ZNF396: variants seen among roughly 807,000 people sequenced by gnomAD.
ZNF396 encodes zinc finger and SCAN domain-containing protein 14.
A neutral mutation model predicts 20.5 loss-of-function variants in ZNF396; 14 were observed. That is an observed-to-expected ratio of 0.68 (90% confidence interval 0.45 to 1.07). ZNF396 has a LOEUF of 1.07. Ranked by LOEUF, ZNF396 falls within the 50% of genes least tolerant of loss-of-function variation. The pLI, the probability that ZNF396 is intolerant of heterozygous loss-of-function variation, is 0.00. For synonymous variants in ZNF396, 119 were observed against 140.6 expected (o/e 0.85, Z 1.08); for missense variants, 347 against 390.1 (o/e 0.89, Z 0.93).
chr18:35,370,917 G>A (rs985995853), intron 3 of ZNF396, among the ~76,000 whole-genome samples: 5 of 152,140 alleles, frequency 3.3e-5, no homozygotes, highest in African/African-American at 9.7e-5. Context: ...TGACTTGGCT[G>A]GGGCTGACTG....
chr18:35,369,114 G>A lies in ZNF396; in HGVS notation c.*101C>T. 1 of 1,443,408 alleles carries A rather than the reference G, an allele frequency of 6.9e-7. No homozygotes were observed. Among genetic ancestry groups the A allele is most frequent in the Non-Finnish European group, 9.1e-7 (1 of 1,100,358 alleles). 89.4% of individuals were successfully genotyped at this position (1,443,408 alleles called of 1,614,324 possible). On this transcript the variant is annotated 3_prime_UTR_variant, in exon 4 of 4. Coordinates refer to ENST00000589332, the MANE Select transcript of ZNF396 (RefSeq NM_001322286.2). The stretch of plus-strand genomic sequence containing the variant: ...TCATGAGTCTTGAAAGGAGACTGGT[G>A]CTTACTAAGACCACTGATTTGTACT...
chr18:35,372,145 A>G (rs1198715170), intron 3 of ZNF396: 1 of 150,706 alleles, frequency 6.6e-6, no homozygotes, highest in Non-Finnish European at 1.5e-5. Flanking sequence ...TACGAATCTT[A>G]AAAAAAAATG....
At chr18:35,372,670 C>G (rs2143904382) in intron 3 of ZNF396, 1 of 152,250 alleles carries the variant, frequency 6.6e-6, no homozygotes, top group East Asian at 1.9e-4. Flanking sequence ...CTTTCTACCA[C>G]TCTATATAAT....
chr18:35,374,354 G>C lies in ZNF396; in HGVS notation c.-62C>G. The C allele has an allele frequency of 1.4e-6, 2 of 1,470,266 alleles. No homozygotes were observed. The highest frequency in any genetic ancestry group is 1.9e-6 in the Non-Finnish European group (2 of 1,078,992). 91.1% of individuals were successfully genotyped at this position (1,470,266 alleles called of 1,614,324 possible). A position where few individuals can be genotyped will look rare whatever the true frequency, so the allele number is the denominator to read the frequency against. On this transcript the variant is annotated 5_prime_UTR_variant, in exon 2 of 4. In the 5' UTR this introduces an upstream ATG that the reference lacks. Transcript: ENST00000589332. The surrounding 1 kb of genome is among the most constrained non-coding windows in gnomAD (Gnocchi z 4.3). ...ATCCTCAAGGAGGTGAAGCTGTCCT[G>C]ATGGACACTCCTTAAATATGATTAA...
At chr18:35,372,115 T>C (rs1358440219) in intron 3 of ZNF396, 1 of 152,136 alleles carries the variant, frequency 6.6e-6, no homozygotes, top group Non-Finnish European at 1.5e-5. Flanking sequence ...CTGGACCTGT[T>C]GCATTCTGTT....
chr18:35,367,074 T>G lies in ZNF396; in HGVS notation c.*2141A>C, dbSNP rs2143882678. 6.6e-6 allele frequency: 1 copy of G among 152,322 alleles called. No individual in the cohort carries two copies. The highest frequency in any genetic ancestry group is 1.5e-5 in the Non-Finnish European group (1 of 68,012). 9.4% of individuals were successfully genotyped at this position (152,322 alleles called of 1,614,324 possible). A position where few individuals can be genotyped will look rare whatever the true frequency, so the allele number is the denominator to read the frequency against. ...ACTCTTTCCGTAATTAAGCAGTAAT[T>G]CACAATATATACATCTCTGAGGCAC... On this transcript the variant is annotated 3_prime_UTR_variant, in exon 4 of 4. Coordinates refer to ENST00000589332, the MANE Select transcript of ZNF396 (RefSeq NM_001322286.2).
chr18:35,373,839 C>T (rs1395448842), intron 2 of ZNF396, 37 bp downstream of exon 2: 6 of 1,578,518 alleles, frequency 3.8e-6, no homozygotes, highest in Non-Finnish European at 4.3e-6. Flanking sequence ...GCTCTTGACT[C>T]AGCCTGGGGG....
In ZNF396 at chr18:35,367,577, CAAG is replaced by C. The variant is rs965070912; in HGVS notation, c.*1635_*1637del. 15 of 152,140 alleles carry C rather than the reference CAAG, an allele frequency of 9.9e-5. No individual in the cohort carries two copies. The highest frequency in any genetic ancestry group is 3.6e-4 in the African/African-American group (15 of 41,430). 9.4% of individuals were successfully genotyped at this position (152,140 alleles called of 1,614,324 possible). Reference sequence around the variant, plus strand: ...TTGTAGTAACATTACAGAGTTTTATCAAGAATCTCTGGAAAATAGATAATTTTG... The same window carrying C: ...TTGTAGTAACATTACAGAGTTTTATCAATCTCTGGAAAATAGATAATTTTG... On this transcript the variant is annotated 3_prime_UTR_variant, in exon 4 of 4. Transcript: ENST00000589332.
chr18:35,369,134 T>C lies in ZNF396; in HGVS notation c.*81A>G, dbSNP rs2045135716. ...CTGGTGCTTACTAAGACCACTGATTTGTACTAAGGAGCGTTTGCATCTGGT... is the reference window on the plus strand; with the variant it reads ...CTGGTGCTTACTAAGACCACTGATTCGTACTAAGGAGCGTTTGCATCTGGT... On this transcript the variant is annotated 3_prime_UTR_variant, in exon 4 of 4. Coordinates refer to ENST00000589332, the MANE Select transcript of ZNF396 (RefSeq NM_001322286.2). 29 of 1,455,772 alleles carry C rather than the reference T, an allele frequency of 2.0e-5. No homozygotes were observed. Among genetic ancestry groups the C allele is most frequent in the Non-Finnish European group, 2.6e-5 (29 of 1,105,938 alleles). 90.2% of individuals were successfully genotyped at this position (1,455,772 alleles called of 1,614,324 possible).
chr18:35,372,239 A>T (rs1490186200), intron 3 of ZNF396: 1 of 152,192 alleles, frequency 6.6e-6, no homozygotes, highest in African/African-American at 2.4e-5. Flanking sequence ...TTCTGTAGTC[A>T]CCACCACACC....
At position 35,374,493 on chromosome 18, in the gene ZNF396, T is replaced by TTCTA; in HGVS notation, c.-72-130_-72-129insTAGA. ...ACCTTAGTCTTAACAGAAACCATGCTTTTATTTATTTATTTATTTTTGAGA... is the reference window on the plus strand; with the variant it reads ...ACCTTAGTCTTAACAGAAACCATGCTTCTATTTATTTATTTATTTATTTTTGAGA... On this transcript the variant is annotated intron_variant, in intron 1 of 3. Coordinates refer to ENST00000589332, the MANE Select transcript of ZNF396 (RefSeq NM_001322286.2). The surrounding 1 kb of genome is among the most constrained non-coding windows in gnomAD (Gnocchi z 4.3). 1 of 470,708 alleles carries TTCTA rather than the reference T, an allele frequency of 2.1e-6. No homozygotes were observed. The allele number at this position is 470,708 out of a possible 1,614,324, so 29.2% of individuals were successfully genotyped here.
Position 35,367,143 on chromosome 18 carries a change from G to C in ZNF396, c.*2072C>G, listed in dbSNP as rs530864557. On this transcript the variant is annotated 3_prime_UTR_variant, in exon 4 of 4. Transcript: ENST00000589332. ...GTTTGTTCCTCTCCGTAATTACAAA[G>C]ACAATGAGCCCCAAATAAAAAGTAT... The C allele has an allele frequency of 6.6e-6, 1 of 152,130 alleles. No homozygotes were observed. The highest frequency in any genetic ancestry group is 1.9e-4 in the East Asian group (1 of 5,198). 9.4% of individuals were successfully genotyped at this position (152,130 alleles called of 1,614,324 possible). A position where few individuals can be genotyped will look rare whatever the true frequency, so the allele number is the denominator to read the frequency against.
chr18:35,369,732 A>G (rs1433581778), intron 3 of ZNF396, 72 bp from the exon 4 acceptor site: 8 of 1,424,910 alleles, frequency 5.6e-6, no homozygotes, highest in Non-Finnish European at 6.6e-6. Context: ...GATTATTGCT[A>G]GCATGTTTAT....
At chr18:35,373,390 T>G in intron 3 of ZNF396, 66 bp downstream of exon 3, 16 of 1,546,870 alleles carry the variant, frequency 1.0e-5, no homozygotes, top group African/African-American at 1.4e-5. Context: ...ATAAATCAGC[T>G]GAGATGTGTG....
chr18:35,373,966 C>G lies in ZNF396; in HGVS notation c.327G>C (p.Gln109His), dbSNP rs779527153. ...CTGGATGATGCTTCTGCACCCAGGC[C>G]TGAAGCTCTTTTGGGAGGATGGCCA... ...QFLAILPKEL[Q>H]AWVQKHHPEN... The change falls in exon 2 of 4, where the codon CAG becomes CAC. Residue 109 changes from glutamine to histidine, a missense_variant. Transcript: ENST00000589332. 3 of 1,614,240 alleles carry G rather than the reference C, an allele frequency of 1.9e-6. No individual in the cohort carries two copies. In the Admixed American group the frequency reaches 5.0e-5, roughly 27 times the overall value.
In ZNF396 at chr18:35,367,245, C is replaced by T. The variant is rs1231293179; in HGVS notation, c.*1970G>A. The T allele has an allele frequency of 6.6e-6, 1 of 152,190 alleles. No homozygotes were observed. The highest frequency in any genetic ancestry group is 1.5e-5 in the Non-Finnish European group (1 of 68,036). 9.4% of individuals were successfully genotyped at this position (152,190 alleles called of 1,614,324 possible). ...TCACTAGAGCTACAAATCATAATCACTATCAGAAAATTCTATAATAAAATT... is the reference window on the plus strand; with the variant it reads ...TCACTAGAGCTACAAATCATAATCATTATCAGAAAATTCTATAATAAAATT... On this transcript the variant is annotated 3_prime_UTR_variant, in exon 4 of 4. Coordinates refer to ENST00000589332, the MANE Select transcript of ZNF396 (RefSeq NM_001322286.2).
rs117052266 is a variant in ZNF396 at position 35,367,595 on chromosome 18, A to G, written c.*1620T>C. 1.8e-4 allele frequency: 28 copies of G among 152,330 alleles called. 1 individual carries two copies. The East Asian group carries it at 4.6e-3, about 25-fold the overall frequency. 9.4% of individuals were successfully genotyped at this position (152,330 alleles called of 1,614,324 possible). ...GTTTTATCAAGAATCTCTGGAAAATAGATAATTTTGTTGTTTGTATACTGT... is the reference window on the plus strand; with the variant it reads ...GTTTTATCAAGAATCTCTGGAAAATGGATAATTTTGTTGTTTGTATACTGT... On this transcript the variant is annotated 3_prime_UTR_variant, in exon 4 of 4. Transcript: ENST00000589332.
At chr18:35,373,282 G>T in intron 3 of ZNF396, 174 bp downstream of exon 3, 1 of 721,150 alleles carries the variant, frequency 1.4e-6, no homozygotes, top group Non-Finnish European at 2.0e-6. Flanking sequence ...TGAAAAAGAA[G>T]CAAGAACAAA....
At chr18:35,375,515 T>C (rs908196622) in intron 1 of ZNF396, among the ~76,000 whole-genome samples, 1 of 152,148 alleles carries the variant, frequency 6.6e-6, no homozygotes, top group Non-Finnish European at 1.5e-5. Flanking sequence ...CCTCTGCTTG[T>C]TGAGGATCAA....
Sources: gnomAD v4.1 joint callset for allele counts (sites outside exome capture counted in the v4.1 genomes callset) on GRCh38, gnomAD v4.1.1 for gene constraint, Gnocchi (gnomAD v3.1) non-coding constraint, MANE v1.5 for transcripts, NCBI Gene and HGNC (gene_info 2026-07-23, HGNC 2026-07-21) for gene names.